Variants in LRRC69 observed in about 807,000 individuals in gnomAD.
LRRC69 encodes the protein leucine-rich repeat-containing protein 69.
A neutral mutation model predicts 37.8 loss-of-function variants in LRRC69; 42 were observed. The observed-to-expected ratio is 1.11, with a 90% CI of 0.87 to 1.44. The LOEUF (loss-of-function observed/expected upper bound fraction) is 1.44, where lower values mean the gene tolerates loss of function less well. LRRC69 is among the 40% of genes most tolerant of loss of function. The pLI is 0.00. For synonymous variants in LRRC69, 141 were observed against 143.1 expected (o/e 0.99, Z 0.11); for missense variants, 357 against 401.9 (o/e 0.89, Z 0.96).
chr8:91,206,898 C>CTCA, intron 7 of LRRC69: 9 of 1,211,724 alleles, frequency 7.4e-6, no homozygotes, highest in Middle Eastern at 2.2e-4. Context: ...GGGCAGGGAA[C>CTCA]TCATACATGT....
intron 5 of LRRC69, among the ~76,000 whole-genome samples, chr8:91,152,618 T>C (rs1364064591): frequency 6.6e-6 from 1 of 151,652 alleles, no homozygotes; most frequent in Non-Finnish European, 1.5e-5. Context: ...AGAGTTCTTT[T>C]TTGTTTCCAT....
chr8:91,186,770 G>A (rs1222271460), intron 5 of LRRC69, among the ~76,000 whole-genome samples: 1 of 152,122 alleles, frequency 6.6e-6, no homozygotes, highest in Non-Finnish European at 1.5e-5. Flanking sequence ...GGTGGGTAGT[G>A]GGTGTGGCCA....
chr8:91,106,969 T>A (rs57987672), intron 1 of LRRC69, among the ~76,000 whole-genome samples: 89,916 of 144,062 alleles, frequency 0.62, 27,321 homozygotes, highest in African/African-American at 0.68. Context: ...ATTAAAAAAA[T>A]TTTTTTTTTT....
chr8:91,121,052 T>C (rs1365842421), intron 1 of LRRC69, among the ~76,000 whole-genome samples: 1 of 151,946 alleles, frequency 6.6e-6, no homozygotes, highest in Non-Finnish European at 1.5e-5. Context: ...GTTCCAAAGT[T>C]AGGTGCTACT....
chr8:91,160,302 T>G (rs556658045), intron 5 of LRRC69, among the ~76,000 whole-genome samples: 121 of 149,250 alleles, frequency 8.1e-4, no homozygotes, highest in African/African-American at 2.8e-3. Context: ...AGTTTTTTGT[T>G]TTTTTTTTTA....
intron 7 of LRRC69, among the ~76,000 whole-genome samples, chr8:91,217,115 T>C (rs919843262): frequency 4.6e-5 from 7 of 152,124 alleles, no homozygotes; most frequent in Non-Finnish European, 7.4e-5. Flanking sequence ...TGTGTGTGTG[T>C]GTATGATTAT....
At chr8:91,192,000 C>G (rs1345636167) in intron 6 of LRRC69, among the ~76,000 whole-genome samples, 1 of 117,384 alleles carries the variant, frequency 8.5e-6, no homozygotes, top group Admixed American at 1.0e-4. Context: ...CCCCCCTCCC[C>G]CCACCCCACA....
chr8:91,190,708 C>T (rs1238293002), intron 6 of LRRC69, among the ~76,000 whole-genome samples: 1 of 152,092 alleles, frequency 6.6e-6, no homozygotes, highest in Admixed American at 6.6e-5. Context: ...ACTACTTCCC[C>T]ACTGTTGGAT....
At chr8:91,179,237 G>A (rs1809284388) in intron 5 of LRRC69, among the ~76,000 whole-genome samples, 1 of 152,176 alleles carries the variant, frequency 6.6e-6, no homozygotes, top group South Asian at 2.1e-4. Context: ...GAAGCATAGT[G>A]GCTTCTGCTT....
At chr8:91,106,600 G>A (rs566164385) in intron 1 of LRRC69, among the ~76,000 whole-genome samples, 1 of 152,000 alleles carries the variant, frequency 6.6e-6, no homozygotes, top group East Asian at 1.9e-4. Flanking sequence ...ATTTGTCAAA[G>A]GTCACTCAAC....
At chr8:91,150,104 A>G (rs572300971) in intron 5 of LRRC69, among the ~76,000 whole-genome samples, 1 of 152,124 alleles carries the variant, frequency 6.6e-6, no homozygotes, top group East Asian at 1.9e-4. Context: ...TGCCCTGGCC[A>G]GAACTTCCAA....
At chr8:91,144,241 C>G (rs1808578867) in intron 5 of LRRC69, among the ~76,000 whole-genome samples, 1 of 151,990 alleles carries the variant, frequency 6.6e-6, no homozygotes, top group African/African-American at 2.4e-5. Context: ...TAATTCGTAA[C>G]TGTTACTGTA....
At chr8:91,212,289 G>T (rs1315290570) in intron 7 of LRRC69, among the ~76,000 whole-genome samples, 1 of 152,012 alleles carries the variant, frequency 6.6e-6, no homozygotes, top group Admixed American at 6.6e-5. Flanking sequence ...CTGTGCCCAA[G>T]ATATGCATTT....
intron 4 of LRRC69, 154 bp downstream of exon 4, chr8:91,133,459 A>G: frequency 1.9e-6 from 1 of 514,904 alleles, no homozygotes; most frequent in Non-Finnish European, 3.3e-6. Context: ...CTATGACAGA[A>G]GAAGGCTATA....
intron 6 of LRRC69, among the ~76,000 whole-genome samples, chr8:91,198,175 A>T (rs949943991): frequency 2.0e-5 from 3 of 152,220 alleles, no homozygotes; most frequent in African/African-American, 7.2e-5. Flanking sequence ...TAACTATATT[A>T]TAGAAAAATA....
At chr8:91,172,166 T>C (rs564982648) in intron 5 of LRRC69, among the ~76,000 whole-genome samples, 12 of 152,128 alleles carry the variant, frequency 7.9e-5, no homozygotes, top group African/African-American at 2.9e-4. Flanking sequence ...CCCCTATTTT[T>C]TGACAGGTAG....
At chr8:91,143,232 A>G (rs908945800) in intron 5 of LRRC69, among the ~76,000 whole-genome samples, 3 of 152,054 alleles carry the variant, frequency 2.0e-5, no homozygotes, top group East Asian at 3.8e-4. Context: ...AATCTTTACC[A>G]TGTTACTTTC....
At chr8:91,108,682 C>G (rs1466503778) in intron 1 of LRRC69, among the ~76,000 whole-genome samples, 1 of 151,956 alleles carries the variant, frequency 6.6e-6, no homozygotes, top group South Asian at 2.1e-4. Flanking sequence ...GAATGTGGCC[C>G]AACTCAAATT....
At chr8:91,133,972 G>T (rs1320812739) in intron 4 of LRRC69, among the ~76,000 whole-genome samples, 4 of 151,780 alleles carry the variant, frequency 2.6e-5, no homozygotes, top group African/African-American at 9.7e-5. Flanking sequence ...ATTTTATCTG[G>T]TAACGATGTA....
Sources: gnomAD v4.1 joint callset for allele counts (sites outside exome capture counted in the v4.1 genomes callset) on GRCh38, gnomAD v4.1.1 for gene constraint, MANE v1.5 for transcripts, NCBI Gene and HGNC (gene_info 2026-07-23, HGNC 2026-07-21) for gene names.